EDA: variants seen among roughly 807,000 people sequenced by gnomAD.
EDA encodes the protein ectodysplasin-A.
Under a neutral mutation model 23.6 loss-of-function variants are expected in EDA, and 2 were observed. That is an observed-to-expected ratio of 0.08 (90% CI 0.03 to 0.27). The LOEUF (loss-of-function observed/expected upper bound fraction) is 0.27. Among genes scored for constraint, EDA ranks in the 10% least tolerant of loss-of-function variants. The pLI is 1.00. For missense variants in EDA, 229 were observed against 324.2 expected (o/e 0.71, Z 2.26); for synonymous variants, 131 against 132.0 (o/e 0.99, Z 0.05).
At chrX:69,633,432 G>A (rs1374961083) in intron 1 of EDA, among the ~76,000 whole-genome samples, 2 of 111,827 alleles carry the variant, frequency 1.8e-5, no homozygotes, top group Non-Finnish European at 1.9e-5. Flanking sequence ...TCACAGAGTT[G>A]TGCAACTGTG....
intron 1 of EDA, among the ~76,000 whole-genome samples, chrX:69,661,971 A>G (rs1476236794): frequency 1.8e-5 from 2 of 111,859 alleles, no homozygotes; most frequent in East Asian, 5.6e-4. Context: ...TTGTTTCTGT[A>G]GCAAGAGCAG....
At chrX:69,660,198 A>G (rs966218311) in intron 1 of EDA, among the ~76,000 whole-genome samples, 3 of 111,540 alleles carry the variant, frequency 2.7e-5, no homozygotes, top group Non-Finnish European at 5.6e-5. Flanking sequence ...TCCTATATGT[A>G]GCTTTGAATA....
chrX:69,953,608 T>TA (rs747303296), intron 1 of EDA, among the ~76,000 whole-genome samples: 4 of 112,041 alleles, frequency 3.6e-5, no homozygotes, highest in Non-Finnish European at 7.5e-5. Context: ...GCTTTATTTA[T>TA]AATAGCCCCA....
intron 1 of EDA, among the ~76,000 whole-genome samples, chrX:69,739,579 T>C (rs1271186970): frequency 9.0e-6 from 1 of 111,436 alleles, no homozygotes; most frequent in African/African-American, 3.2e-5. Flanking sequence ...TCTGCTTTCT[T>C]TTGAATTAAA....
intron 1 of EDA, among the ~76,000 whole-genome samples, chrX:69,918,548 A>G (rs1401723158): frequency 8.9e-6 from 1 of 112,345 alleles, no homozygotes; most frequent in Non-Finnish European, 1.9e-5. Context: ...CTATGAAGTG[A>G]CAGTTCTCTA....
At chrX:69,862,077 AT>A (rs2017395317) in intron 1 of EDA, among the ~76,000 whole-genome samples, 1 of 111,649 alleles carries the variant, frequency 9.0e-6, no homozygotes, top group Non-Finnish European at 1.9e-5. Flanking sequence ...CTGGCTCAAA[AT>A]TTTTCATGAG....
rs1413424093 is a variant in EDA, at chrX:69,823,493, T to A, written c.397-133534T>A. 2.5e-5 allele frequency among the ~76,000 whole-genome samples: 2 copies of A among 80,364 alleles called. 1 individual carries two copies. The highest frequency in any genetic ancestry group is 4.6e-5 in the Non-Finnish European group (2 of 43,845). The allele number at this position is 80,364 out of a possible 115,157, so 69.8% of individuals were successfully genotyped here. A position where few individuals can be genotyped will look rare whatever the true frequency, so the allele number is the denominator to read the frequency against. The stretch of plus-strand genomic sequence containing the variant: ...TATGTTTTTTGGCTGCATAAATGTC[T>A]TCTTTTGAGAAGTGTCTGTTCATAT... On this transcript the variant is annotated intron_variant, in intron 1 of 7. Transcript: ENST00000374552.
chrX:69,908,928 G>A (rs1200053469), intron 1 of EDA, among the ~76,000 whole-genome samples: 1 of 109,636 alleles, frequency 9.1e-6, no homozygotes, highest in East Asian at 2.9e-4. Flanking sequence ...CCATCTTTTG[G>A]AGTGATTGTT....
At chrX:69,784,918 C>G (rs1025296027) in intron 1 of EDA, among the ~76,000 whole-genome samples, 5 of 111,262 alleles carry the variant, frequency 4.5e-5, no homozygotes, top group Admixed American at 1.9e-4. Context: ...TTCTTCCTAC[C>G]CATGAGCATG....
At chrX:69,865,971 A>G (rs1388304822) in intron 1 of EDA, among the ~76,000 whole-genome samples, 1 of 112,607 alleles carries the variant, frequency 8.9e-6, no homozygotes, top group Non-Finnish European at 1.9e-5. Context: ...GTTTTTAACA[A>G]AAGAAGTAGG....
chrX:69,646,218 C>A (rs760303626), intron 1 of EDA, among the ~76,000 whole-genome samples: 1 of 111,305 alleles, frequency 9.0e-6, no homozygotes, highest in South Asian at 3.8e-4. Context: ...GAGCTGAGTT[C>A]AGGTAGTAAA....
intron 1 of EDA, among the ~76,000 whole-genome samples, chrX:69,671,888 T>G (rs1933909184): frequency 8.9e-6 from 1 of 112,054 alleles, no homozygotes; most frequent in Middle Eastern, 4.2e-3. Context: ...ATCACTAGTC[T>G]TTTCAAAAGA....
chrX:70,020,536 G>A (rs1218225886), intron 2 of EDA, among the ~76,000 whole-genome samples: 3 of 103,920 alleles, frequency 2.9e-5, no homozygotes, highest in South Asian at 4.4e-4. Flanking sequence ...TCCAGCCTGC[G>A]CGACAGAGCG....
chrX:69,713,055 G>A (rs1277732299), intron 1 of EDA, among the ~76,000 whole-genome samples: 1 of 80,481 alleles, frequency 1.2e-5, no homozygotes. Context: ...ACACACCGGG[G>A]CCTGTTGTAG....
intron 1 of EDA, among the ~76,000 whole-genome samples, chrX:69,848,847 CTA>C (rs2147572901): frequency 9.0e-6 from 1 of 110,904 alleles, no homozygotes; most frequent in African/African-American, 3.3e-5. Context: ...AGCTGAAGTC[CTA>C]TCTTTGTGAA....
chrX:69,616,292 G>A lies in EDA; in HGVS notation c.-17G>A, dbSNP rs1931923050. 2 of 1,174,174 alleles carry A rather than the reference G, an allele frequency of 1.7e-6. No homozygotes were observed. Among genetic ancestry groups the A allele is most frequent in the Non-Finnish European group, 2.3e-6 (2 of 882,028 alleles). On this transcript the variant is annotated 5_prime_UTR_variant, in exon 1 of 8. Transcript: ENST00000374552. ...AGCGGCTCCCGGGCCTCAAGAGAGT[G>A]GGTGTCTCCGGAGGCCATGGGCTAC...
chrX:69,902,463 T>G, intron 1 of EDA, among the ~76,000 whole-genome samples: 1 of 111,336 alleles, frequency 9.0e-6, no homozygotes, highest in Non-Finnish European at 1.9e-5. Flanking sequence ...CCTTCCCTGA[T>G]GCATTCCTGC....
rs1405583612 is a variant in EDA at position 69,937,017 on chromosome X, C to A, written c.397-20010C>A. 8 of 404,109 alleles carry A rather than the reference C, an allele frequency of 2.0e-5. No homozygotes were observed. The East Asian group carries it at 3.2e-4, about 16-fold the overall frequency. The allele number at this position is 404,109 out of a possible 1,213,427, so 33.3% of individuals were successfully genotyped here. On this transcript the variant is annotated intron_variant, in intron 1 of 7. Coordinates refer to ENST00000374552, the MANE Select transcript of EDA (RefSeq NM_001399.5). The stretch of plus-strand genomic sequence containing the variant: ...GAGATAGGAACGATCATACTTAGTA[C>A]TGAAAGGCAGACAATAAAATGGGCC...
At chrX:69,706,244 G>A (rs1166869906) in intron 1 of EDA, among the ~76,000 whole-genome samples, 1 of 111,828 alleles carries the variant, frequency 8.9e-6, no homozygotes, top group East Asian at 2.8e-4. Flanking sequence ...TGCCAGCCTA[G>A]GATACATTTC....
Sources: gnomAD v4.1 joint callset for allele counts (sites outside exome capture counted in the v4.1 genomes callset) on GRCh38, gnomAD v4.1.1 for gene constraint, MANE v1.5 for transcripts, NCBI Gene and HGNC (gene_info 2026-07-23, HGNC 2026-07-21) for gene names.